Variants in WNK1 observed in about 807,000 individuals in gnomAD.
WNK1 encodes the protein WNK lysine deficient protein kinase 1, also known as serine/threonine-protein kinase WNK1.
Under a neutral mutation model 222.8 loss-of-function variants are expected in WNK1, and 38 were observed. The observed-to-expected ratio is 0.17, with a 90% CI of 0.13 to 0.22. WNK1 has a LOEUF of 0.22. Ranked by LOEUF, WNK1 falls within the 10% of genes least tolerant of loss-of-function variation. The probability of loss-of-function intolerance (pLI) is 1.00; values close to 1 mark genes in which losing one functional copy is unlikely to be tolerated. For synonymous variants in WNK1, 1,090 were observed against 1,092.9 expected, an observed-to-expected ratio of 1.00 and a Z score of 0.05; for missense variants, 2,348 against 2,918.4, an observed-to-expected ratio of 0.80 and a Z score of 4.50.
Position 753,335 on chromosome 12 carries a change from G to T in WNK1, c.-231G>T. ...CTCAGCTCCCGAATCGCCCGCCTTC[G>T]AGCCCTCCTCGTGAGCCGCAGCAGC... is the stretch of plus-strand genomic sequence containing the variant. On this transcript the variant is annotated 5_prime_UTR_variant, in exon 1 of 28. Transcript: ENST00000315939. The surrounding 1 kb of genome is among the most constrained non-coding windows in gnomAD (Gnocchi z 5.2). The T allele has an allele frequency of 1.7e-6, 1 of 584,966 alleles. No individual in the cohort carries two copies. The highest frequency in any genetic ancestry group is 3.0e-5 in the East Asian group (1 of 33,082). The allele number at this position is 584,966 out of a possible 1,614,324, so 36.2% of individuals were successfully genotyped here.
intron 10 of WNK1, 101 bp from the exon 11 acceptor site, chr12:879,472 T>TTTTTTTTGTTAATA: frequency 1.3e-6 from 1 of 755,894 alleles, no homozygotes; most frequent in Non-Finnish European, 2.0e-6. Context: ...GTTTTTTCCT[T>TTTTTTTTGTTAATA]CTTTTTGGCT....
chr12:812,541 A>G (rs745355554), intron 1 of WNK1, among the ~76,000 whole-genome samples: 7 of 152,220 alleles, frequency 4.6e-5, no homozygotes, highest in Non-Finnish European at 1.0e-4. Context: ...CATAGTATCC[A>G]TTGGTTTTAA....
intron 4 of WNK1, among the ~76,000 whole-genome samples, chr12:848,947 G>A (rs1376139765): frequency 6.6e-6 from 1 of 152,038 alleles, no homozygotes; most frequent in African/African-American, 2.4e-5. Context: ...TTGCCTAATA[G>A]AGTTTTAAAA....
At chr12:781,394 A>C (rs750323383) in intron 1 of WNK1, 1 of 152,072 alleles carries the variant, frequency 6.6e-6, no homozygotes, top group Non-Finnish European at 1.5e-5. Flanking sequence ...GTTGATAGCT[A>C]TTTGCCACAA....
intron 8 of WNK1, chr12:868,540 A>AGT: frequency 6.2e-7 from 1 of 1,613,892 alleles, no homozygotes; most frequent in Non-Finnish European, 8.5e-7. Flanking sequence ...CAGATGCTAC[A>AGT]CGTTTGAAAT....
intron 26 of WNK1, chr12:906,922 GC>G: frequency 9.7e-6 from 2 of 207,248 alleles, no homozygotes; most frequent in Non-Finnish European, 1.7e-5. Context: ...CTAGTCCCAA[GC>G]TACTTGGGAG....
Position 881,984 on chromosome 12 carries a change from G to A in WNK1, c.3283G>A (p.Gly1095Arg). The stretch of plus-strand genomic sequence containing the variant: ...CCCATCTTCCAGTGGAAGGCATGAA[G>A]GAAGAACTACAAAACGGCATTACCG... ...NVPSSSGRHEGRTTKRHYRKS... is the reference protein window; with the variant it reads ...NVPSSSGRHERRTTKRHYRKS... Residue 1095 changes from glycine (G) to arginine (R), a missense_variant, in exon 14 of 28, where the codon GGA becomes AGA. Physicochemically the swap from Gly to Arg is moderately radical, Grantham distance 125. Coordinates refer to ENST00000315939, the MANE Select transcript of WNK1 (RefSeq NM_018979.4). The A allele has an allele frequency of 2.5e-6, 4 of 1,614,150 alleles. No homozygotes were observed. The highest frequency in any genetic ancestry group is 3.4e-6 in the Non-Finnish European group (4 of 1,180,024).
chr12:844,835 A>G (rs1240448990), intron 4 of WNK1, among the ~76,000 whole-genome samples: 2 of 151,150 alleles, frequency 1.3e-5, no homozygotes, highest in Non-Finnish European at 2.9e-5. Flanking sequence ...ATATAATTAT[A>G]TAAGCAATCA....
chr12:775,377 G>A (rs1942973265), intron 1 of WNK1, among the ~76,000 whole-genome samples: 3 of 152,160 alleles, frequency 2.0e-5, no homozygotes, highest in Admixed American at 2.0e-4. Flanking sequence ...AATTTGTCTT[G>A]TTATGGCAAG....
At chr12:873,446 G>A (rs1356585316) in intron 9 of WNK1, among the ~76,000 whole-genome samples, 2 of 152,038 alleles carry the variant, frequency 1.3e-5, no homozygotes, top group East Asian at 3.9e-4. Flanking sequence ...TGATGTTTTT[G>A]TTTTAGATAC....
At chr12:879,476 T>TTTGG in intron 10 of WNK1, 97 bp from the exon 11 acceptor site, 3 of 780,472 alleles carry the variant, frequency 3.8e-6, no homozygotes, top group Non-Finnish European at 3.9e-6. Context: ...TTTCCTTCTT[T>TTTGG]TTGGCTAATA....
chr12:900,369 C>A, intron 25 of WNK1, 107 bp from the exon 26 acceptor site: 1 of 1,202,224 alleles, frequency 8.3e-7, no homozygotes, highest in Non-Finnish European at 1.2e-6. Flanking sequence ...AGCTTTTGAC[C>A]CATCATTCAT....
At position 885,471 on chromosome 12, in the gene WNK1, G is replaced by C. The variant is rs1953566481; in HGVS notation, c.4667G>C (p.Gly1556Ala). 7 of 1,613,930 alleles carry C rather than the reference G, an allele frequency of 4.3e-6. No homozygotes were observed. The highest frequency in any genetic ancestry group is 5.9e-6 in the Non-Finnish European group (7 of 1,180,024). Reference sequence around the variant, plus strand: ...TCTTCCTCTTCCTCTCCTGGAGCAGGAGTGTCTAGTTATATTTCTCAGCCT... The same window carrying C: ...TCTTCCTCTTCCTCTCCTGGAGCAGCAGTGTCTAGTTATATTTCTCAGCCT... ...APSSSSSPGA[G>A]VSSYISQPGG... Residue 1556 changes from glycine to alanine, a missense_variant, in exon 19 of 28, where the codon GGA becomes GCA. Coordinates refer to ENST00000315939, the MANE Select transcript of WNK1 (RefSeq NM_018979.4).
chr12:861,990 A>T, intron 7 of WNK1, 93 bp from the exon 8 acceptor site: 1 of 1,424,138 alleles, frequency 7.0e-7, no homozygotes, highest in South Asian at 1.2e-5. Context: ...GTTACCCCTA[A>T]TATAATGGGT....
chr12:756,478 A>G (rs1448716299), intron 1 of WNK1, among the ~76,000 whole-genome samples: 2 of 152,208 alleles, frequency 1.3e-5, no homozygotes, highest in Non-Finnish European at 2.9e-5. Context: ...CTTACATCGC[A>G]TATTATTTTT....
At chr12:907,617 C>CTGAG (rs1955818743) in intron 26 of WNK1, 4 of 584,554 alleles carry the variant, frequency 6.8e-6, no homozygotes, top group Non-Finnish European at 1.2e-5. Flanking sequence ...TACCGTCATC[C>CTGAG]TGAGTTGTTC....
At chr12:805,449 A>G (rs1454880243) in intron 1 of WNK1, among the ~76,000 whole-genome samples, 1 of 152,216 alleles carries the variant, frequency 6.6e-6, no homozygotes, top group Non-Finnish European at 1.5e-5. Context: ...GAAAAAATAC[A>G]TATACACTCC....
In WNK1 at chr12:849,913, C is replaced by T. The variant is rs529166092; in HGVS notation, c.1312-7248C>T. ...GACATGAACTCATCCTTTTTTATGG[C>T]TGCATAGTATTCCATGGTGTATATG... On this transcript the variant is annotated intron_variant, in intron 4 of 27. Coordinates refer to ENST00000315939, the MANE Select transcript of WNK1 (RefSeq NM_018979.4). Among the ~76,000 whole-genome samples the T allele has an allele frequency of 5.8e-3, 880 of 152,240 alleles. 8 individuals are homozygous for T. The highest frequency in any genetic ancestry group is 0.019 in the African/African-American group (776 of 41,530).
At chr12:808,466 A>G (rs1946584921) in intron 1 of WNK1, among the ~76,000 whole-genome samples, 1 of 150,824 alleles carries the variant, frequency 6.6e-6, no homozygotes, top group South Asian at 2.1e-4. Context: ...CTTTGTCCAC[A>G]TGTTCTAAGC....
Sources: gnomAD v4.1 joint callset for allele counts (sites outside exome capture counted in the v4.1 genomes callset) on GRCh38, gnomAD v4.1.1 for gene constraint, Gnocchi (gnomAD v3.1) non-coding constraint, MANE v1.5 for transcripts, NCBI Gene and HGNC (gene_info 2026-07-23, HGNC 2026-07-21) for gene names.